The following SLC8A1 variants were observed in gnomAD, a reference collection of about 807,000 sequenced individuals.
SLC8A1 encodes the protein solute carrier family 8 member A1, also known as sodium/calcium exchanger 1.
Under a neutral mutation model 68.3 loss-of-function variants are expected in SLC8A1, and 18 were observed. The ratio of observed to expected loss-of-function variants is 0.26; its 90% CI spans 0.18 to 0.39. The LOEUF (loss-of-function observed/expected upper bound fraction) is 0.39, where lower values mean the gene tolerates loss of function less well. Among genes scored for constraint, SLC8A1 ranks in the 10% least tolerant of loss-of-function variants. The pLI, the probability that SLC8A1 is intolerant of heterozygous loss-of-function variation, is 1.00. For synonymous variants in SLC8A1, 475 were observed against 415.5 expected (o/e 1.14, Z -1.74); for missense variants, 985 against 1,156.7 (o/e 0.85, Z 2.15).
rs182625183 is a variant in SLC8A1, at chr2:40,407,367, A to T, written c.1808+21106T>A. Reference sequence around the variant, plus strand: ...AGGCATAAGCCACCACACCTGACCCACCAGATTCCTCATGGACTGGTTCCT... The same window carrying T: ...AGGCATAAGCCACCACACCTGACCCTCCAGATTCCTCATGGACTGGTTCCT... On this transcript the variant is annotated intron_variant, in intron 2 of 7. Transcript: ENST00000406785. 7.2e-5 allele frequency among the ~76,000 whole-genome samples: 11 copies of T among 152,258 alleles called. No individual in the cohort carries two copies. The East Asian group carries it at 2.1e-3, about 29-fold the overall frequency.
intron 2 of SLC8A1, among the ~76,000 whole-genome samples, chr2:40,252,560 C>T (rs572964611): frequency 4.7e-4 from 72 of 152,234 alleles, no homozygotes; most frequent in African/African-American, 1.7e-3. Context: ...ACTCAAACTC[C>T]TGACCTCAAG....
chr2:40,395,878 A>G (rs567455831), intron 2 of SLC8A1, among the ~76,000 whole-genome samples: 3 of 152,294 alleles, frequency 2.0e-5, no homozygotes, highest in East Asian at 1.9e-4. Context: ...GAGAAAGTCC[A>G]TTCATTTTTA....
chr2:40,251,541 T>A (rs1254744893), intron 2 of SLC8A1: 1 of 152,180 alleles, frequency 6.6e-6, no homozygotes, highest in Non-Finnish European at 1.5e-5. Flanking sequence ...CACCTGTAAA[T>A]AAAGCTTGTA....
At position 40,315,113 on chromosome 2, in the gene SLC8A1, T is replaced by C. The variant is rs557598116; in HGVS notation, c.1808+113360A>G. On this transcript the variant is annotated intron_variant, in intron 2 of 7. Coordinates refer to ENST00000406785, the Ensembl canonical transcript of SLC8A1. ...CAGTCTTTCATTGTTAAGTATGATG[T>C]TAATTTTAGTTTTTTCATGTATGTC... 2.6e-5 allele frequency among the ~76,000 whole-genome samples: 4 copies of C among 152,120 alleles called. No individual in the cohort carries two copies. In the East Asian group the frequency reaches 7.7e-4, roughly 29 times the overall value.
intron 2 of SLC8A1, among the ~76,000 whole-genome samples, chr2:40,184,123 A>T (rs1041926618): frequency 6.6e-6 from 1 of 152,140 alleles, no homozygotes; most frequent in African/African-American, 2.4e-5. Context: ...CTGCAGTGAG[A>T]TGTGATCATG....
In SLC8A1 at chr2:40,421,318, A is replaced by G. The variant is rs1037907149; in HGVS notation, c.1808+7155T>C. On this transcript the variant is annotated intron_variant, in intron 2 of 7. Transcript: ENST00000406785. ...ACTCAGAACCTCAGTAACTGGCTGA[A>G]AGGCACAAAGCTGGTAGGGGACAGA... 2.2e-4 allele frequency among the ~76,000 whole-genome samples: 33 copies of G among 151,978 alleles called. 1 individual carries two copies. The highest frequency in any genetic ancestry group is 2.9e-5 in the Non-Finnish European group (2 of 68,026).
At chr2:40,256,520 A>T (rs943910991) in intron 2 of SLC8A1, among the ~76,000 whole-genome samples, 5 of 152,234 alleles carry the variant, frequency 3.3e-5, no homozygotes, top group Non-Finnish European at 7.3e-5. Context: ...CTTTACGTCT[A>T]AAGTGTTCTA....
chr2:40,396,818 G>C (rs961869785), intron 2 of SLC8A1, among the ~76,000 whole-genome samples: 2 of 141,472 alleles, frequency 1.4e-5, no homozygotes, highest in African/African-American at 5.5e-5. Context: ...AGAAACTGTA[G>C]TTGCTGTATC....
intron 2 of SLC8A1, among the ~76,000 whole-genome samples, chr2:40,320,880 A>G (rs1160456967): frequency 6.6e-6 from 1 of 152,164 alleles, no homozygotes; most frequent in Non-Finnish European, 1.5e-5. Context: ...GTCACTACTC[A>G]GAACAAATTA....
rs1705628407 is a variant in SLC8A1 at position 40,495,423 on chromosome 2, C to T, written c.-25+16926G>A. On this transcript the variant is annotated intron_variant, in intron 1 of 7. Transcript: ENST00000402441. ...GCGAAGGATCCGAGTTCAGGACAAA[C>T]TCTTAGAGTGTTTTTTTCTTCTTCT... Among the ~76,000 whole-genome samples, 2 of 152,150 alleles carry T rather than the reference C, an allele frequency of 1.3e-5. 1 individual carries two copies. Among genetic ancestry groups the T allele is most frequent in the South Asian group, 4.1e-4 (2 of 4,830 alleles).
At chr2:40,261,659 T>G (rs1197406559) in intron 2 of SLC8A1, among the ~76,000 whole-genome samples, 1 of 152,210 alleles carries the variant, frequency 6.6e-6, no homozygotes, top group Non-Finnish European at 1.5e-5. Flanking sequence ...CTACTCTGTA[T>G]GACAAAATAC....
At chr2:40,391,207 T>TATACACACACA (rs1685162482) in intron 2 of SLC8A1, among the ~76,000 whole-genome samples, 3 of 151,828 alleles carry the variant, frequency 2.0e-5, no homozygotes, top group Non-Finnish European at 4.4e-5. Context: ...CACACATATG[T>TATACACACACA]CTGTGTGTAT....
chr2:40,473,387 C>G (rs1704105861), intron 1 of SLC8A1, among the ~76,000 whole-genome samples: 1 of 152,130 alleles, frequency 6.6e-6, no homozygotes, highest in Non-Finnish European at 1.5e-5. Context: ...ATTTAACCAG[C>G]TAACATCTCC....
intron 2 of SLC8A1, among the ~76,000 whole-genome samples, chr2:40,228,680 C>T (rs1305120008): frequency 6.6e-6 from 1 of 152,160 alleles, no homozygotes; most frequent in African/African-American, 2.4e-5. Flanking sequence ...GGGAGCTTTT[C>T]TATGCAGATA....
At chr2:40,232,770 C>G (rs1272191912) in intron 2 of SLC8A1, among the ~76,000 whole-genome samples, 2 of 124,438 alleles carry the variant, frequency 1.6e-5, no homozygotes, top group African/African-American at 6.1e-5. Context: ...CACAACAGTC[C>G]CCAGAGTGTG....
intron 1 of SLC8A1, 81 bp from the exon 2 acceptor site, chr2:40,430,385 T>C (rs1265674440): frequency 1.5e-6 from 2 of 1,367,788 alleles, no homozygotes; most frequent in East Asian, 2.5e-5. Context: ...TAATTACTTA[T>C]TTTTATTACT....
At chr2:40,105,999 T>G (rs189202786) in exon 8 of SLC8A1, 1 of 152,202 alleles carries the variant, frequency 6.6e-6, no homozygotes, top group African/African-American at 2.4e-5. Flanking sequence ...CGCTGATGTG[T>G]TAATGAATCC....
At chr2:40,303,065 G>A (rs2071827753) in intron 2 of SLC8A1, among the ~76,000 whole-genome samples, 1 of 152,154 alleles carries the variant, frequency 6.6e-6, no homozygotes. Context: ...GTAAGCACTA[G>A]CAAAATGAAT....
intron 2 of SLC8A1, among the ~76,000 whole-genome samples, chr2:40,248,637 T>C (rs1012722236): frequency 3.3e-5 from 5 of 152,202 alleles, no homozygotes; most frequent in African/African-American, 1.2e-4. Flanking sequence ...TGAGGCTTTA[T>C]TGGGGGAGGT....
Sources: allele counts gnomAD v4.1 joint callset (sites outside exome capture counted in the v4.1 genomes callset), GRCh38; gene constraint gnomAD v4.1.1; transcripts MANE v1.5; gene names NCBI Gene and HGNC (gene_info 2026-07-23, HGNC 2026-07-21).